Variants in ERC1 observed in about 807,000 individuals in gnomAD.
ERC1 encodes the protein RAB6 interacting protein 2.
ERC1 carries 56 observed loss-of-function variants against 132.0 expected under a neutral mutation model. The ratio of observed to expected loss-of-function variants is 0.42; its 90% confidence interval spans 0.34 to 0.53. The LOEUF is 0.53. ERC1 is among the 20% of genes least tolerant of loss of function. ERC1 has a pLI of 0.03. For synonymous variants in ERC1, 478 were observed against 476.1 expected, an observed-to-expected ratio of 1.00 and a Z score of -0.05; for missense variants, 1,202 against 1,349.9, an observed-to-expected ratio of 0.89 and a Z score of 1.72.
intron 2 of ERC1, among the ~76,000 whole-genome samples, chr12:1,062,639 C>G (rs1043604730): frequency 2.0e-5 from 3 of 152,148 alleles, no homozygotes; most frequent in Non-Finnish European, 2.9e-5. Flanking sequence ...TATGGTTTAT[C>G]CTAGAGAATG....
intron 17 of ERC1, among the ~76,000 whole-genome samples, chr12:1,421,061 C>T (rs1347277842): frequency 6.6e-6 from 1 of 151,748 alleles, no homozygotes. Context: ...ATGTATAATA[C>T]TCAAATCAGT....
chr12:1,432,965 A>G (rs1459790160), intron 17 of ERC1, among the ~76,000 whole-genome samples: 1 of 152,240 alleles, frequency 6.6e-6, no homozygotes, highest in Non-Finnish European at 1.5e-5. Flanking sequence ...TCACCAGCCA[A>G]CCGCCTGCAT....
chr12:1,263,609 T>C (rs2077277893), intron 14 of ERC1, among the ~76,000 whole-genome samples: 1 of 152,236 alleles, frequency 6.6e-6, no homozygotes, highest in Non-Finnish European at 1.5e-5. Flanking sequence ...ATGGAGCTTG[T>C]CTGTCTGCTA....
intron 8 of ERC1, among the ~76,000 whole-genome samples, chr12:1,163,811 G>A (rs1351296987): frequency 6.6e-6 from 1 of 152,188 alleles, no homozygotes; most frequent in African/African-American, 2.4e-5. Flanking sequence ...TACCTCCTGG[G>A]TTCAAGCAAT....
At chr12:1,330,407 C>T (rs1441716281) in intron 15 of ERC1, among the ~76,000 whole-genome samples, 1 of 152,108 alleles carries the variant, frequency 6.6e-6, no homozygotes, top group African/African-American at 2.4e-5. Flanking sequence ...ACTTAAATTG[C>T]TGCCTGTTTT....
intron 2 of ERC1, among the ~76,000 whole-genome samples, chr12:1,068,820 T>C (rs1343773618): frequency 6.6e-6 from 1 of 152,218 alleles, no homozygotes; most frequent in Non-Finnish European, 1.5e-5. Context: ...TGTGTTCTCA[T>C]TGGAGCATTG....
At chr12:1,121,732 T>TGTGC in intron 7 of ERC1, among the ~76,000 whole-genome samples, 2 of 5,906 alleles carry the variant, frequency 3.4e-4, no homozygotes, top group Non-Finnish European at 6.8e-4. Flanking sequence ...TATCTCTATC[T>TGTGC]CTATCTCTAT....
intron 16 of ERC1, among the ~76,000 whole-genome samples, chr12:1,399,337 A>G (rs2090824180): frequency 6.6e-6 from 1 of 152,172 alleles, no homozygotes; most frequent in Non-Finnish European, 1.5e-5. Context: ...TTGAGATATG[A>G]TTCACATCCC....
intron 15 of ERC1, among the ~76,000 whole-genome samples, chr12:1,344,989 A>C (rs1272587704): frequency 1.3e-5 from 2 of 152,188 alleles, no homozygotes; most frequent in Admixed American, 6.5e-5. Flanking sequence ...ACAAAGTAGA[A>C]AGAATAAAGA....
intron 1 of ERC1, chr12:1,020,556 G>A (rs1423312088): frequency 6.6e-6 from 1 of 152,232 alleles, no homozygotes; most frequent in Non-Finnish European, 1.5e-5. Flanking sequence ...CAGTCAAGAT[G>A]TTGACTGCTG....
chr12:1,031,003 C>T (rs962030451), intron 2 of ERC1, among the ~76,000 whole-genome samples: 11 of 152,162 alleles, frequency 7.2e-5, no homozygotes, highest in Non-Finnish European at 4.4e-5. Context: ...CATTAAGCAA[C>T]ATATGACTGT....
chr12:1,064,743 T>G (rs1393865293), intron 2 of ERC1, among the ~76,000 whole-genome samples: 2 of 152,338 alleles, frequency 1.3e-5, no homozygotes, highest in East Asian at 3.9e-4. Flanking sequence ...ATAATGTACC[T>G]TAGAGAGGAC....
intron 12 of ERC1, among the ~76,000 whole-genome samples, chr12:1,197,331 C>A (rs1215588747): frequency 6.6e-6 from 1 of 152,140 alleles, no homozygotes; most frequent in Non-Finnish European, 1.5e-5. Flanking sequence ...TCCTGCATTA[C>A]ATAAGTAGGT....
At chr12:1,096,100 G>C (rs1340821590) in intron 3 of ERC1, among the ~76,000 whole-genome samples, 1 of 152,016 alleles carries the variant, frequency 6.6e-6, no homozygotes, top group African/African-American at 2.4e-5. Flanking sequence ...CTAGTTTTAT[G>C]TGTTTTTCAT....
intron 16 of ERC1, among the ~76,000 whole-genome samples, chr12:1,383,965 G>C (rs1342296882): frequency 1.3e-5 from 2 of 151,974 alleles, no homozygotes; most frequent in Non-Finnish European, 2.9e-5. Flanking sequence ...CCTAAGTCCC[G>C]TAGCTCATAA....
At chr12:1,309,762 C>T (rs796228564) in intron 15 of ERC1, among the ~76,000 whole-genome samples, 47 of 147,752 alleles carry the variant, frequency 3.2e-4, no homozygotes, top group African/African-American at 1.2e-3. Flanking sequence ...ACTGAACTGA[C>T]GGAAACTAGT....
chr12:995,625 GATC>G (rs982615005), intron 1 of ERC1, among the ~76,000 whole-genome samples: 8 of 152,130 alleles, frequency 5.3e-5, no homozygotes, highest in African/African-American at 1.9e-4. Flanking sequence ...AGATAGGTGA[GATC>G]ATCAGGGGAG....
At chr12:1,374,728 G>C (rs2051843) in intron 16 of ERC1, among the ~76,000 whole-genome samples, 1 of 151,656 alleles carries the variant, frequency 6.6e-6, no homozygotes, top group Non-Finnish European at 1.5e-5. Context: ...TACAACCTCC[G>C]TATTGTGTTG....
intron 2 of ERC1, among the ~76,000 whole-genome samples, chr12:1,071,995 G>A (rs75123350): frequency 0.04 from 6,064 of 152,124 alleles, 203 homozygotes; most frequent in African/African-American, 0.087. Flanking sequence ...CGGCTACTTG[G>A]GAGGCTGAGG....
Sources: allele counts gnomAD v4.1 joint callset (sites outside exome capture counted in the v4.1 genomes callset), GRCh38; gene constraint gnomAD v4.1.1; transcripts MANE v1.5; gene names NCBI Gene and HGNC (gene_info 2026-07-23, HGNC 2026-07-21).